GAS6: variants seen among roughly 807,000 people sequenced by gnomAD.
The protein encoded by GAS6 is growth arrest specific 6.
In GAS6, 41 loss-of-function variants were observed where a neutral mutation model predicts 75.8. The ratio of observed to expected loss-of-function variants is 0.54; its 90% CI spans 0.42 to 0.70. The LOEUF is 0.70. Among genes scored for constraint, GAS6 ranks in the 30% least tolerant of loss-of-function variants. The probability of loss-of-function intolerance (pLI) is 0.00; values close to 1 mark genes in which losing one functional copy is unlikely to be tolerated. For synonymous variants in GAS6, 432 were observed against 412.6 expected, an observed-to-expected ratio of 1.05 and a Z score of -0.57; for missense variants, 854 against 940.2, an observed-to-expected ratio of 0.91 and a Z score of 1.20.
intron 2 of GAS6, among the ~76,000 whole-genome samples, chr13:113,850,823 T>C (rs986317428): frequency 4.6e-5 from 7 of 151,118 alleles, no homozygotes; most frequent in Non-Finnish European, 8.9e-5. Flanking sequence ...AACAGATGGA[T>C]TGATAGATGG....
intron 2 of GAS6, among the ~76,000 whole-genome samples, chr13:113,849,378 C>T (rs1346923150): frequency 6.6e-6 from 1 of 152,146 alleles, no homozygotes; most frequent in African/African-American, 2.4e-5. Context: ...GCAAGAACAG[C>T]CATACCAAGT....
At chr13:113,846,296 ACT>A (rs1282823885) in intron 4 of GAS6, among the ~76,000 whole-genome samples, 4 of 152,226 alleles carry the variant, frequency 2.6e-5, no homozygotes, top group African/African-American at 9.6e-5. Flanking sequence ...TTCACATCAC[ACT>A]CTGTGAAACA....
chr13:113,839,902 C>T (rs530870552), intron 4 of GAS6, 52 bp from the exon 5 acceptor site: 84 of 1,611,826 alleles, frequency 5.2e-5, no homozygotes, highest in Middle Eastern at 3.5e-4. Context: ...CACCCCTGCG[C>T]GCCCAACGCA....
In GAS6 at chr13:113,839,750, C is replaced by T. The variant is rs559031810; in HGVS notation, c.444G>A (p.Trp148Ter). 2 of 1,613,950 alleles carry T rather than the reference C, an allele frequency of 1.2e-6. No individual in the cohort carries two copies. The highest frequency in any genetic ancestry group is 1.7e-6 in the Non-Finnish European group (2 of 1,179,952). Residue 148 changes from tryptophan to a stop codon, truncating the protein, a stop_gained, in exon 5 of 15, where the codon TGG becomes TGA. Transcript: ENST00000327773. LOFTEE classifies it high-confidence loss of function. ...TACCTTTGTCGCAGAGCCGGCCCCC[C>T]CAGCCAGCTTTACACAGGCAGAAGA... ...GNFFCLCKAGWGGRLCDKDVN... is the reference protein window; with the variant it reads ...GNFFCLCKAG
At chr13:113,859,438 C>T (rs1474763591) in intron 2 of GAS6, among the ~76,000 whole-genome samples, 2 of 147,482 alleles carry the variant, frequency 1.4e-5, no homozygotes, top group East Asian at 4.0e-4. Flanking sequence ...CATGTCTGGA[C>T]AGTGTGTGAC....
intron 6 of GAS6, 86 bp from the exon 7 acceptor site, chr13:113,835,721 C>T: frequency 6.5e-7 from 1 of 1,546,776 alleles, no homozygotes; most frequent in Non-Finnish European, 8.7e-7. Flanking sequence ...CTGGCCAGGG[C>T]ACCACCCAGA....
At chr13:113,838,439 C>A (rs1172198241) in intron 5 of GAS6, among the ~76,000 whole-genome samples, 8 of 141,446 alleles carry the variant, frequency 5.7e-5, no homozygotes, top group Admixed American at 1.4e-4. Flanking sequence ...ACAGCCCAGC[C>A]CTGGAGCAGG....
intron 12 of GAS6, among the ~76,000 whole-genome samples, chr13:113,825,476 G>A (rs571052780): frequency 6.6e-6 from 1 of 152,134 alleles, no homozygotes; most frequent in African/African-American, 2.4e-5. Flanking sequence ...TCTTGTAAGA[G>A]ACGTTACTGG....
At position 113,820,892 on chromosome 13, in the gene GAS6, C is replaced by G. The variant is rs752712382; in HGVS notation, c.2009G>C (p.Cys670Ser). 2.5e-6 allele frequency: 4 copies of G among 1,611,214 alleles called. No individual in the cohort carries two copies. Among genetic ancestry groups the G allele is most frequent in the Non-Finnish European group, 3.4e-6 (4 of 1,179,756 alleles). ...GGCTGCGGCGGGCTCCACGGGGGGGCAGGAGTGGGCCGTGATGTCGCTGTG... is the reference window on the plus strand; with the variant it reads ...GGCTGCGGCGGGCTCCACGGGGGGGGAGGAGTGGGCCGTGATGTCGCTGTG... Reference protein sequence around the residue: ...YKHSDITAHSCPPVEPAAA With the variant: ...YKHSDITAHSSPPVEPAAA The change falls in exon 15 of 15, where the codon TGC becomes TCC. Residue 670 changes from cysteine to serine, a missense_variant. Physicochemically the swap from Cys to Ser is moderately radical, Grantham distance 112. Transcript: ENST00000327773.
chr13:113,821,217 G>C, intron 14 of GAS6, 199 bp from the exon 15 acceptor site: 1 of 608,524 alleles, frequency 1.6e-6, no homozygotes, highest in Non-Finnish European at 2.9e-6. Context: ...TGCCAGCCTG[G>C]GCTCTGCAGA....
chr13:113,857,853 C>A (rs2051926588), intron 2 of GAS6, among the ~76,000 whole-genome samples: 1 of 152,264 alleles, frequency 6.6e-6, no homozygotes, highest in African/African-American at 2.4e-5. Context: ...TCTGAGAAAG[C>A]CCCGGAGGAG....
In GAS6 at chr13:113,858,767, CATT is replaced by C. The variant is rs1205527116; in HGVS notation, c.255+4805_255+4807del. Among the ~76,000 whole-genome samples the C allele has an allele frequency of 2.8e-4, 40 of 145,262 alleles. No homozygotes were observed. In the Middle Eastern group the frequency reaches 0.014, roughly 52 times the overall value. ...TGTCTGTTAGTATGTGTGTGCGTGT[CATT>C]ATGCATGTGTGTACATGTCTGTGAC... On this transcript the variant is annotated intron_variant, in intron 2 of 14. Transcript: ENST00000327773.
intron 4 of GAS6, 45 bp from the exon 5 acceptor site, chr13:113,839,895 C>T (rs1383901824): frequency 3.7e-6 from 6 of 1,612,184 alleles, no homozygotes; most frequent in Non-Finnish European, 5.1e-6. Context: ...GCTGCCCCAC[C>T]CCTGCGCGCC....
In GAS6 at chr13:113,863,813, C is replaced by T; in HGVS notation, c.88+20G>A. 7.2e-7 allele frequency: 1 copy of T among 1,379,528 alleles called. No homozygotes were observed. Among genetic ancestry groups the T allele is most frequent in the Non-Finnish European group, 9.3e-7 (1 of 1,078,854 alleles). The allele number at this position is 1,379,528 out of a possible 1,614,324, so 85.5% of individuals were successfully genotyped here. A position where few individuals can be genotyped will look rare whatever the true frequency, so the allele number is the denominator to read the frequency against. ...TCCTCCCGCCGCCCGGGGACGGGGTCTCGGGCCCGCGGGACTCACCAAGCG... is the reference window on the plus strand; with the variant it reads ...TCCTCCCGCCGCCCGGGGACGGGGTTTCGGGCCCGCGGGACTCACCAAGCG... On this transcript the variant is annotated intron_variant, in intron 1 of 14. Transcript: ENST00000327773. This position sits in a 1 kb window ranked among gnomAD's most constrained non-coding sequence, Gnocchi z 9.4.
chr13:113,861,493 A>G (rs2051970695), intron 2 of GAS6, among the ~76,000 whole-genome samples: 1 of 152,234 alleles, frequency 6.6e-6, no homozygotes, highest in Non-Finnish European at 1.5e-5. Context: ...AGTGAGCAAC[A>G]TTTCAAAGAC....
intron 12 of GAS6, among the ~76,000 whole-genome samples, chr13:113,825,483 C>CTGGTATAGTT (rs2051524939): frequency 6.6e-6 from 1 of 152,140 alleles, no homozygotes; most frequent in African/African-American, 2.4e-5. Flanking sequence ...AGAGACGTTA[C>CTGGTATAGTT]TGGTATAGTT....
chr13:113,858,495 G>A (rs1030050231), intron 2 of GAS6, among the ~76,000 whole-genome samples: 4 of 134,654 alleles, frequency 3.0e-5, no homozygotes, highest in Non-Finnish European at 4.6e-5. Flanking sequence ...ATGTATGCAT[G>A]TCTGTGTGTG....
At chr13:113,862,013 C>T (rs1042960978) in intron 2 of GAS6, among the ~76,000 whole-genome samples, 6 of 152,190 alleles carry the variant, frequency 3.9e-5, no homozygotes, top group African/African-American at 1.2e-4. Flanking sequence ...AACCATGTGA[C>T]GCAACCGCAG....
At chr13:113,823,715 G>A (rs2051492373) in intron 12 of GAS6, among the ~76,000 whole-genome samples, 165 bp from the exon 13 acceptor site, 2 of 152,184 alleles carry the variant, frequency 1.3e-5, no homozygotes, top group African/African-American at 4.8e-5. Flanking sequence ...TTCAGATCTT[G>A]GCCCGGAGCC....
Sources: gnomAD v4.1 joint callset for allele counts (sites outside exome capture counted in the v4.1 genomes callset) on GRCh38, gnomAD v4.1.1 for gene constraint, Gnocchi (gnomAD v3.1) non-coding constraint, MANE v1.5 for transcripts, NCBI Gene and HGNC (gene_info 2026-07-23, HGNC 2026-07-21) for gene names.